The following AUTS2 variants were observed in gnomAD, a reference collection of about 807,000 sequenced individuals.
AUTS2 encodes activator of transcription and developmental regulator AUTS2, also known as autism susceptibility gene 2 protein.
AUTS2 carries 17 observed loss-of-function variants against 112.4 expected under a neutral mutation model. The observed-to-expected ratio is 0.15, with a 90% CI of 0.10 to 0.23. The LOEUF is 0.23. Ranked by LOEUF, AUTS2 falls within the 10% of genes least tolerant of loss-of-function variation. The probability of loss-of-function intolerance (pLI) is 1.00; values close to 1 mark genes in which losing one functional copy is unlikely to be tolerated. For synonymous variants in AUTS2, 751 were observed against 702.7 expected (o/e 1.07, Z -1.09); for missense variants, 1,510 against 1,701.6 (o/e 0.89, Z 1.98).
chr7:70,326,567 G>T (rs1790496532), intron 4 of AUTS2, among the ~76,000 whole-genome samples: 1 of 152,186 alleles, frequency 6.6e-6, no homozygotes, highest in South Asian at 2.1e-4. Flanking sequence ...GTTGGTCATG[G>T]CTCTAGGTTT....
intron 4 of AUTS2, among the ~76,000 whole-genome samples, chr7:70,332,837 A>G (rs574975863): frequency 1.2e-4 from 19 of 152,234 alleles, no homozygotes; most frequent in Non-Finnish European, 2.8e-4. Flanking sequence ...AGACTTAAAC[A>G]TAAGACCTAG....
chr7:70,233,842 T>C (rs1296769009), intron 4 of AUTS2, among the ~76,000 whole-genome samples: 1 of 152,218 alleles, frequency 6.6e-6, no homozygotes, highest in African/African-American at 2.4e-5. Context: ...AAATCGGGCA[T>C]GAAATAAGTG....
rs980386241 is a variant in AUTS2 at position 70,790,103 on chromosome 7, G to A, written c.2887G>A (p.Glu963Lys). Residue 963 changes from glutamate (E) to lysine (K), a missense_variant, in exon 19 of 19, where the codon GAG (glutamate) becomes AAG (lysine). Glu to Lys is a moderately conservative substitution (Grantham distance 56). This residue lies in a region of AUTS2 where 788 missense variants were observed against 797.6 expected (regional missense o/e 0.99). Coordinates refer to ENST00000342771, the MANE Select transcript of AUTS2 (RefSeq NM_015570.4). The surrounding 1 kb of genome is among the most constrained non-coding windows in gnomAD (Gnocchi z 7.6). Reference protein sequence around the residue: ...RPNSTSSREAEPRKGEPAYEN... With the variant: ...RPNSTSSREAKPRKGEPAYEN... ...CAACAGCACCTCGAGCCGGGAGGCC[G>A]AGCCGCGCAAGGGTGAGCCGGCCTA... The A allele has an allele frequency of 2.5e-6, 4 of 1,591,498 alleles. No individual in the cohort carries two copies. Among genetic ancestry groups the A allele is most frequent in the South Asian group, 1.1e-5 (1 of 88,478 alleles).
intron 4 of AUTS2, among the ~76,000 whole-genome samples, chr7:70,306,535 T>G (rs1789502515): frequency 6.6e-6 from 1 of 152,222 alleles, no homozygotes; most frequent in African/African-American, 2.4e-5. Context: ...TTTACAGTTT[T>G]TATTGTATTG....
intron 1 of AUTS2, among the ~76,000 whole-genome samples, chr7:69,631,577 T>G (rs1160659053): frequency 6.6e-6 from 1 of 152,206 alleles, no homozygotes; most frequent in Admixed American, 6.5e-5. Context: ...TCCAGTTTTC[T>G]TACAGTATAT....
At chr7:69,976,888 GTTTC>G (rs946658977) in intron 2 of AUTS2, among the ~76,000 whole-genome samples, 3 of 151,920 alleles carry the variant, frequency 2.0e-5, no homozygotes, top group African/African-American at 7.3e-5. Context: ...CATTCCATAG[GTTTC>G]TTTTTCACTC....
At chr7:69,789,701 T>C (rs373835090) in intron 1 of AUTS2, among the ~76,000 whole-genome samples, 1 of 152,092 alleles carries the variant, frequency 6.6e-6, no homozygotes, top group Non-Finnish European at 1.5e-5. Context: ...CTAAATCACA[T>C]ATTTCAGAGT....
intron 13 of AUTS2, 37 bp from the exon 14 acceptor site, chr7:70,777,066 G>GTCTT: frequency 6.2e-7 from 1 of 1,601,396 alleles, no homozygotes; most frequent in Non-Finnish European, 8.6e-7. Flanking sequence ...TCTCTGAAAT[G>GTCTT]TCTTCCTCCT....
chr7:70,661,443 G>A (rs931225855), intron 5 of AUTS2, among the ~76,000 whole-genome samples: 16 of 152,182 alleles, frequency 1.1e-4, no homozygotes, highest in Admixed American at 8.5e-4. Context: ...GGTGACCAGG[G>A]TGGGAGGAGG....
intron 1 of AUTS2, among the ~76,000 whole-genome samples, chr7:69,764,747 G>A (rs1170559884): frequency 6.6e-6 from 1 of 152,222 alleles, no homozygotes; most frequent in Non-Finnish European, 1.5e-5. Context: ...ATATTAGCAA[G>A]AGAAGTATAT....
At chr7:69,891,117 T>G (rs1275915312) in intron 1 of AUTS2, among the ~76,000 whole-genome samples, 1 of 152,190 alleles carries the variant, frequency 6.6e-6, no homozygotes, top group Non-Finnish European at 1.5e-5. Context: ...AAAAGTTTCC[T>G]TATGTCCCTT....
At chr7:69,946,361 C>CA (rs905550530) in intron 2 of AUTS2, among the ~76,000 whole-genome samples, 1 of 151,994 alleles carries the variant, frequency 6.6e-6, no homozygotes, top group African/African-American at 2.4e-5. Flanking sequence ...AGAAGTTCCT[C>CA]AAAAAATTAA....
intron 1 of AUTS2, among the ~76,000 whole-genome samples, chr7:69,887,971 A>G (rs555566599): frequency 1.8e-4 from 28 of 151,840 alleles, no homozygotes; most frequent in Non-Finnish European, 3.4e-4. Context: ...TTTATCCGGG[A>G]TATGGATGTG....
rs555425946 is a variant in AUTS2, at chr7:70,144,019, A to G, written c.660+9448A>G. Among the ~76,000 whole-genome samples, 12 of 152,098 alleles carry G rather than the reference A, an allele frequency of 7.9e-5. No individual in the cohort carries two copies. The East Asian group carries it at 1.7e-3, about 22-fold the overall frequency. On this transcript the variant is annotated intron_variant, in intron 4 of 18. Coordinates refer to ENST00000342771, the MANE Select transcript of AUTS2 (RefSeq NM_015570.4). ...GGACTGTCTTAGAAGGAAATTAGAG[A>G]AAGTGTGAATCATGTAGGTTAGCAT...
At chr7:70,278,597 A>G (rs1788052444) in intron 4 of AUTS2, among the ~76,000 whole-genome samples, 1 of 137,464 alleles carries the variant, frequency 7.3e-6, no homozygotes, top group African/African-American at 2.6e-5. Context: ...ATACATACAT[A>G]CATACATACA....
chr7:69,770,608 C>T (rs1232333892), intron 1 of AUTS2, among the ~76,000 whole-genome samples: 1 of 152,028 alleles, frequency 6.6e-6, no homozygotes, highest in Non-Finnish European at 1.5e-5. Flanking sequence ...AGGTGGTTAT[C>T]CTACTTCTTC....
chr7:70,255,427 G>C (rs1404405518), intron 4 of AUTS2, among the ~76,000 whole-genome samples: 1 of 150,766 alleles, frequency 6.6e-6, no homozygotes, highest in Non-Finnish European at 1.5e-5. Context: ...GATACTAATT[G>C]CAAAAAAAAA....
At chr7:70,249,921 C>A (rs1786503192) in intron 4 of AUTS2, among the ~76,000 whole-genome samples, 1 of 143,808 alleles carries the variant, frequency 7.0e-6, no homozygotes, top group African/African-American at 2.5e-5. Context: ...TTTTATTTTA[C>A]TTTTAAAATA....
At chr7:69,757,772 T>G (rs924372562) in intron 1 of AUTS2, among the ~76,000 whole-genome samples, 11 of 152,186 alleles carry the variant, frequency 7.2e-5, no homozygotes, top group Non-Finnish European at 1.5e-4. Context: ...TACAAAGTGT[T>G]CATATCACTG....
Sources: gnomAD v4.1 joint callset for allele counts (sites outside exome capture counted in the v4.1 genomes callset) on GRCh38, gnomAD v4.1.1 for gene constraint, gnomAD v4.1.1 regional missense constraint, Gnocchi (gnomAD v3.1) non-coding constraint, MANE v1.5 for transcripts, NCBI Gene and HGNC (gene_info 2026-07-23, HGNC 2026-07-21) for gene names.